Variants in GLRA2 observed in about 807,000 individuals in gnomAD.
The protein encoded by GLRA2 is glycine receptor subunit alpha-2.
In GLRA2, 11 loss-of-function variants were observed where a neutral mutation model predicts 31.6. The observed-to-expected ratio is 0.35, with a 90% CI of 0.22 to 0.58. The LOEUF (loss-of-function observed/expected upper bound fraction) is 0.58, where lower values mean the gene tolerates loss of function less well. Among genes scored for constraint, GLRA2 ranks in the 20% least tolerant of loss-of-function variants. The probability of loss-of-function intolerance (pLI) is 0.84; values close to 1 mark genes in which losing one functional copy is unlikely to be tolerated. For missense variants in GLRA2, 212 were observed against 351.8 expected (o/e 0.60, Z 3.18); for synonymous variants, 132 against 134.0 (o/e 0.99, Z 0.10).
the GLRA2 span, among the ~76,000 whole-genome samples, chrX:14,515,624 T>C: frequency 8.9e-6 from 1 of 112,170 alleles, no homozygotes; most frequent in Non-Finnish European, 1.9e-5. Flanking sequence ...ACTTATAAGT[T>C]AAATCTAATA....
At chrX:14,500,413 A>G in the GLRA2 span, among the ~76,000 whole-genome samples, 3 of 112,571 alleles carry the variant, frequency 2.7e-5, no homozygotes, top group African/African-American at 9.7e-5. Context: ...CCTGAAACAA[A>G]CCTGAAACAA....
chrX:14,456,678 A>T, the GLRA2 span, among the ~76,000 whole-genome samples: 1 of 112,577 alleles, frequency 8.9e-6, no homozygotes, highest in South Asian at 3.7e-4. Flanking sequence ...GTTACCATGA[A>T]TGACAAGATC....
At chrX:14,491,731 G>A in the GLRA2 span, among the ~76,000 whole-genome samples, 1 of 111,352 alleles carries the variant, frequency 9.0e-6, no homozygotes, top group Non-Finnish European at 1.9e-5. Flanking sequence ...CTGAGTTAAT[G>A]GAGCCATTCA....
Position 14,714,714 on chromosome X carries a change from C to T in GLRA2, c.1081-15493C>T, listed in dbSNP as rs745770538. 2.7e-5 allele frequency among the ~76,000 whole-genome samples: 3 copies of T among 112,268 alleles called. No individual in the cohort carries two copies. In the East Asian group the frequency reaches 8.4e-4, roughly 31 times the overall value. On this transcript the variant is annotated intron_variant, in intron 8 of 8. Transcript: ENST00000218075. ...GGCTTGTAAAAATAACATGTGTGAT[C>T]AAGGCAATGAAGGTGATGTTGTATA...
At chrX:14,610,667 A>T (rs1197197518) in intron 7 of GLRA2, among the ~76,000 whole-genome samples, 1 of 111,964 alleles carries the variant, frequency 8.9e-6, no homozygotes. Flanking sequence ...AAACCTCAGG[A>T]TGTACAAACA....
At chrX:14,479,189 C>T in the GLRA2 span, among the ~76,000 whole-genome samples, 2 of 110,896 alleles carry the variant, frequency 1.8e-5, no homozygotes, top group African/African-American at 6.5e-5. Context: ...TTTAATTTAT[C>T]CTCCAGAGAT....
At chrX:14,574,839 G>A (rs2089931553) in intron 3 of GLRA2, among the ~76,000 whole-genome samples, 1 of 111,705 alleles carries the variant, frequency 9.0e-6, no homozygotes, top group African/African-American at 3.3e-5. Context: ...ATGATGCATA[G>A]TTATGGATAT....
At chrX:14,477,443 A>G in the GLRA2 span, among the ~76,000 whole-genome samples, 1 of 111,689 alleles carries the variant, frequency 9.0e-6, no homozygotes, top group Non-Finnish European at 1.9e-5. Flanking sequence ...CTTGCAAGAG[A>G]CAGTCTAGGT....
At chrX:14,616,391 TTG>T (rs754306384) in intron 7 of GLRA2, among the ~76,000 whole-genome samples, 1 of 111,327 alleles carries the variant, frequency 9.0e-6, no homozygotes, top group South Asian at 3.8e-4. Flanking sequence ...TCCAGAGGCA[TTG>T]TCTTTCGCCA....
chrX:14,633,988 G>A lies in GLRA2; in HGVS notation c.930+24783G>A, dbSNP rs6630743. Among the ~76,000 whole-genome samples the A allele has an allele frequency of 3.4e-3, 377 of 110,748 alleles. 2 individuals carry two copies. The highest frequency in any genetic ancestry group is 0.011 in the African/African-American group (335 of 30,442). ...TTTTGAGATGGAGTCTCACTCTGTC[G>A]CCCAGGCTGGAGTGCAATAGTACGA... On this transcript the variant is annotated intron_variant, in intron 7 of 8. Transcript: ENST00000218075.
chrX:14,627,469 C>T (rs2090600655), intron 7 of GLRA2, among the ~76,000 whole-genome samples: 1 of 111,539 alleles, frequency 9.0e-6, no homozygotes, highest in Admixed American at 9.6e-5. Flanking sequence ...GACTAATATC[C>T]CTTCAACCTT....
chrX:14,657,614 C>A (rs986424582), intron 7 of GLRA2, among the ~76,000 whole-genome samples: 6 of 112,579 alleles, frequency 5.3e-5, no homozygotes, highest in Admixed American at 4.7e-4. Context: ...AATTTTGTTG[C>A]TCTCTTGCTT....
At chrX:14,522,067 G>C in the GLRA2 span, among the ~76,000 whole-genome samples, 1 of 111,755 alleles carries the variant, frequency 8.9e-6, no homozygotes. Flanking sequence ...TCTATAGGGT[G>C]CAATGATGTT....
rs1198027872 is a variant in GLRA2 at position 14,730,546 on chromosome X, A to G, written c.*61A>G. ...GTGTTGTGCTTGTAAATACACAGTG[A>G]AATTGTCTTTATATCACTTTGACAG... is the stretch of plus-strand genomic sequence containing the variant. On this transcript the variant is annotated 3_prime_UTR_variant, in exon 9 of 9. Transcript: ENST00000218075. 8.4e-6 allele frequency: 5 copies of G among 598,710 alleles called. No individual in the cohort carries two copies. The highest frequency in any genetic ancestry group is 7.3e-6 in the Non-Finnish European group (3 of 411,419). 49.3% of individuals were successfully genotyped at this position (598,710 alleles called of 1,213,427 possible). A position where few individuals can be genotyped will look rare whatever the true frequency, so the allele number is the denominator to read the frequency against.
At chrX:14,533,029 A>G (rs1267829080) in intron 2 of GLRA2, among the ~76,000 whole-genome samples, 1 of 111,633 alleles carries the variant, frequency 9.0e-6, no homozygotes, top group African/African-American at 3.2e-5. Flanking sequence ...CATTACAAAA[A>G]TATACTTAAT....
At chrX:14,515,206 GTCT>G in the GLRA2 span, among the ~76,000 whole-genome samples, 1 of 111,390 alleles carries the variant, frequency 9.0e-6, no homozygotes, top group Non-Finnish European at 1.9e-5. Context: ...TCATTTCACT[GTCT>G]TCTTGTCCTG....
chrX:14,637,878 CAAG>C (rs770893933), intron 7 of GLRA2, among the ~76,000 whole-genome samples: 27 of 111,655 alleles, frequency 2.4e-4, no homozygotes, highest in East Asian at 8.4e-4. Flanking sequence ...GCTCTGAAAA[CAAG>C]AACCACAAAA....
intron 8 of GLRA2, among the ~76,000 whole-genome samples, chrX:14,713,057 A>G (rs1318038621): frequency 2.7e-5 from 3 of 112,069 alleles, no homozygotes; most frequent in Non-Finnish European, 3.8e-5. Context: ...ATCCCATACA[A>G]TAACCACTTT....
chrX:14,690,657 C>G, intron 7 of GLRA2, 53 bp from the exon 8 acceptor site: 4 of 883,891 alleles, frequency 4.5e-6, no homozygotes, highest in African/African-American at 2.0e-5. Flanking sequence ...CATAGTCTTT[C>G]TTTCTCTCTC....
Sources: gnomAD v4.1 joint callset for allele counts (sites outside exome capture counted in the v4.1 genomes callset) on GRCh38, gnomAD v4.1.1 for gene constraint, MANE v1.5 for transcripts, NCBI Gene and HGNC (gene_info 2026-07-23, HGNC 2026-07-21) for gene names.